Variants in KLHDC4 observed in about 807,000 individuals in gnomAD.
The protein encoded by KLHDC4 is kelch domain containing 4, also known as kelch domain-containing protein 4.
KLHDC4 carries 90 observed loss-of-function variants against 62.4 expected under a neutral mutation model. The ratio of observed to expected loss-of-function variants is 1.44; its 90% CI spans 1.22 to 1.72. The LOEUF (loss-of-function observed/expected upper bound fraction) is 1.72, where lower values mean the gene tolerates loss of function less well. Among genes scored for constraint, KLHDC4 ranks in the 40% most tolerant of loss-of-function variants. The pLI is 0.00. For missense variants in KLHDC4, 1,025 were observed against 699.7 expected (o/e 1.47, Z -5.25); for synonymous variants, 386 against 284.4 (o/e 1.36, Z -3.59).
chr16:87,718,508 T>C (rs2037533376), intron 7 of KLHDC4, among the ~76,000 whole-genome samples: 1 of 151,512 alleles, frequency 6.6e-6, no homozygotes, highest in Non-Finnish European at 1.5e-5. Context: ...TGCCTGGGAT[T>C]GCAGGCACGC....
chr16:87,699,271 C>T (rs1347545901), exon 1 of KLHDC4: 1 of 152,270 alleles, frequency 6.6e-6, no homozygotes, highest in Non-Finnish European at 1.5e-5. Context: ...TGGATAATTT[C>T]GGGAACTGAA....
intron 7 of KLHDC4, among the ~76,000 whole-genome samples, chr16:87,725,706 C>T (rs1190660798): frequency 6.6e-6 from 1 of 152,200 alleles, no homozygotes; most frequent in African/African-American, 2.4e-5. Context: ...GTGCCAGCCG[C>T]CTCTGTGAAG....
chr16:87,698,536 A>G (rs2033998731), exon 1 of KLHDC4: 1 of 152,266 alleles, frequency 6.6e-6, no homozygotes. Context: ...TTGTGCAGAG[A>G]TCTAGGCCTA....
rs182522105 is a variant in KLHDC4 at position 87,758,124 on chromosome 16, G to T, written c.192-1647C>A. Among the ~76,000 whole-genome samples the T allele has an allele frequency of 3.0e-3, 457 of 152,312 alleles. 1 individual carries two copies. Among genetic ancestry groups the T allele is most frequent in the Non-Finnish European group, 5.2e-3 (354 of 68,040 alleles). On this transcript the variant is annotated intron_variant, in intron 2 of 11. Transcript: ENST00000270583. ...TCTGAGAACTCTATTTTCTATTGGG[G>T]ATTTATTTGCATAGAAACATGTCAT...
At chr16:87,719,793 G>A (rs564798396) in intron 7 of KLHDC4, among the ~76,000 whole-genome samples, 2 of 152,338 alleles carry the variant, frequency 1.3e-5, no homozygotes, top group African/African-American at 4.8e-5. Flanking sequence ...ACATCTGAGA[G>A]AGAGATCAAG....
At chr16:87,730,956 A>G (rs2040243362) in intron 5 of KLHDC4, 1 of 204,422 alleles carries the variant, frequency 4.9e-6, no homozygotes. Flanking sequence ...AAAATACACC[A>G]TTAGAAAATA....
intron 2 of KLHDC4, among the ~76,000 whole-genome samples, chr16:87,761,659 C>T (rs1040310331): frequency 6.6e-6 from 1 of 152,182 alleles, no homozygotes; most frequent in Non-Finnish European, 1.5e-5. Flanking sequence ...CAAAGAAAAG[C>T]TCACTGGGGC....
At chr16:87,724,751 C>T (rs1326790146) in intron 7 of KLHDC4, among the ~76,000 whole-genome samples, 1 of 152,198 alleles carries the variant, frequency 6.6e-6, no homozygotes, top group Non-Finnish European at 1.5e-5. Flanking sequence ...GCCACTGCTT[C>T]GGGAAGAGAG....
chr16:87,760,134 T>TA (rs750068663), intron 2 of KLHDC4, among the ~76,000 whole-genome samples: 27 of 151,816 alleles, frequency 1.8e-4, no homozygotes, highest in Non-Finnish European at 3.5e-4. Context: ...TAGGAAGCAT[T>TA]TCCAGCTGAC....
chr16:87,736,396 GC>G (rs1303975786), intron 5 of KLHDC4, among the ~76,000 whole-genome samples: 1 of 152,204 alleles, frequency 6.6e-6, no homozygotes, highest in African/African-American at 2.4e-5. Flanking sequence ...TGCACCGGCG[GC>G]CTAGAGACAT....
chr16:87,720,240 G>A (rs1384867449), intron 7 of KLHDC4, among the ~76,000 whole-genome samples: 2 of 152,150 alleles, frequency 1.3e-5, no homozygotes, highest in African/African-American at 2.4e-5. Flanking sequence ...GGGAGAAGAC[G>A]GCCAGACGAC....
chr16:87,748,537 G>A, intron 5 of KLHDC4, 136 bp downstream of exon 5: 3 of 1,132,406 alleles, frequency 2.6e-6, no homozygotes, highest in Non-Finnish European at 3.8e-6. Flanking sequence ...CCAGGACCCA[G>A]CGAGGCTGGG....
intron 6 of KLHDC4, among the ~76,000 whole-genome samples, chr16:87,730,173 C>T (rs949193183): frequency 3.3e-5 from 5 of 152,168 alleles, no homozygotes; most frequent in African/African-American, 4.8e-5. Context: ...ACGCTGGTTT[C>T]GAACTCTTGA....
intron 2 of KLHDC4, among the ~76,000 whole-genome samples, chr16:87,760,235 A>T (rs1282296838): frequency 9.5e-5 from 13 of 136,602 alleles, no homozygotes; most frequent in Non-Finnish European, 1.3e-4. Context: ...AAATATCATT[A>T]AAAAAAAAAA....
chr16:87,749,545 C>G (rs1174758959), intron 4 of KLHDC4, among the ~76,000 whole-genome samples: 1 of 138,498 alleles, frequency 7.2e-6, no homozygotes, highest in Non-Finnish European at 1.5e-5. Context: ...CAGAGCGAGA[C>G]TCCATGTCAA....
chr16:87,743,009 G>C (rs2042468412), intron 5 of KLHDC4: 1 of 152,468 alleles, frequency 6.6e-6, no homozygotes, highest in African/African-American at 2.4e-5. Context: ...ATCACGCCAA[G>C]AGTCAGCCCT....
At position 87,756,484 on chromosome 16, in the gene KLHDC4, G is replaced by T. The variant is rs1398474330; in HGVS notation, c.192-7C>A. The T allele has an allele frequency of 6.2e-7, 1 of 1,611,546 alleles. No homozygotes were observed. Among genetic ancestry groups the T allele is most frequent in the African/African-American group, 1.3e-5 (1 of 74,926 alleles). ...CGAGAGGGAGGCATTTAACCTACAA[G>T]ACACACAAGCGGCAGGTCAGCAAGA... On this transcript the variant is annotated splice_region_variant and splice_polypyrimidine_tract_variant and intron_variant, in intron 2 of 11. Coordinates refer to ENST00000270583, the MANE Select transcript of KLHDC4 (RefSeq NM_017566.4).
exon 1 of KLHDC4, chr16:87,699,672 C>G (rs2034049579): frequency 6.6e-6 from 1 of 152,454 alleles, no homozygotes; most frequent in Non-Finnish European, 1.5e-5. Context: ...GCACTCCAGC[C>G]TGGACGACAG....
intron 9 of KLHDC4, 128 bp downstream of exon 9, chr16:87,711,107 G>A (rs936519836): frequency 5.0e-5 from 41 of 821,146 alleles, no homozygotes; most frequent in Non-Finnish European, 6.6e-5. Context: ...CGGAACCCTC[G>A]CCCCTCTTGA....
Sources: allele counts gnomAD v4.1 joint callset (sites outside exome capture counted in the v4.1 genomes callset), GRCh38; gene constraint gnomAD v4.1.1; transcripts MANE v1.5; gene names NCBI Gene and HGNC (gene_info 2026-07-23, HGNC 2026-07-21).